DNAH11: variants seen among roughly 807,000 people sequenced by gnomAD.
The protein encoded by DNAH11 is axonemal beta dynein heavy chain 11.
In DNAH11, 442 loss-of-function variants were observed where a neutral mutation model predicts 526.0. The ratio of observed to expected loss-of-function variants is 0.84; its 90% confidence interval spans 0.78 to 0.91. The LOEUF is 0.91. DNAH11 is among the 40% of genes least tolerant of loss of function. The pLI is 0.00. For missense variants in DNAH11, 6,989 were observed against 5,448.7 expected, an observed-to-expected ratio of 1.28 and a Z score of -8.90; for synonymous variants, 2,461 against 1,935.9, an observed-to-expected ratio of 1.27 and a Z score of -7.12.
intron 2 of DNAH11, among the ~76,000 whole-genome samples, chr7:21,552,448 A>C (rs1215991866): frequency 1.3e-5 from 2 of 152,148 alleles, no homozygotes; most frequent in East Asian, 3.8e-4. Context: ...TCCCTTTACT[A>C]ATTAGGTGTC....
chr7:21,595,501 G>A (rs1784829396), intron 14 of DNAH11, among the ~76,000 whole-genome samples: 1 of 152,208 alleles, frequency 6.6e-6, no homozygotes. Context: ...AAGACTGGAT[G>A]TGGAGCACGA....
chr7:21,801,325 G>T (rs766840151), intron 62 of DNAH11, 50 bp downstream of exon 62: 1 of 1,600,422 alleles, frequency 6.2e-7, no homozygotes, highest in South Asian at 1.1e-5. Flanking sequence ...AGATCAGCTT[G>T]TGGGGATTTT....
rs750494795 is a variant in DNAH11 at position 21,639,007 on chromosome 7, A to G, written c.4886A>G (p.Tyr1629Cys). Residue 1629 changes from tyrosine (Y) to cysteine (C), a missense_variant, in exon 28 of 82, where the codon TAT (tyrosine) becomes TGT (cysteine). Tyr to Cys is a radical substitution (Grantham distance 194). Coordinates refer to ENST00000409508, the MANE Select transcript of DNAH11 (RefSeq NM_001277115.2). The stretch of plus-strand genomic sequence containing the variant: ...AAGCGCATAGCCTTTCCTCGCTTCT[A>G]TTTCGTCTCTTCTGCTGATTTACTT... ...ETKRIAFPRF[Y>C]FVSSADLLDI... is the part of the protein sequence containing the mutation. 3.4e-5 allele frequency: 55 copies of G among 1,613,442 alleles called. No individual in the cohort carries two copies. Among genetic ancestry groups the G allele is most frequent in the South Asian group, 8.8e-5 (8 of 90,998 alleles).
At chr7:21,562,703 G>A (rs1389177244) in intron 5 of DNAH11, among the ~76,000 whole-genome samples, 1 of 149,570 alleles carries the variant, frequency 6.7e-6, no homozygotes, top group Admixed American at 6.8e-5. Context: ...ATATTTAAGG[G>A]CACTTACCTA....
rs1320072390 is a variant in DNAH11 at position 21,901,172 on chromosome 7, A to G, written c.13469A>G (p.Tyr4490Cys). 1 of 1,611,478 alleles carries G rather than the reference A, an allele frequency of 6.2e-7. No homozygotes were observed. The highest frequency in any genetic ancestry group is 1.3e-5 in the African/African-American group (1 of 75,020). The change falls in exon 82 of 82, where the codon TAC becomes TGC. Residue 4490 changes from tyrosine to cysteine, a missense_variant. By Grantham distance (194) the Tyr-to-Cys change is radical. Transcript: ENST00000409508. ...VYRTKLRGPSYIWTFRLKSEE... is the reference protein window; with the variant it reads ...VYRTKLRGPSCIWTFRLKSEE... ...AGAACCAAACTGAGAGGCCCCAGCT[A>G]CATCTGGACCTTCAGGCTGAAGAGC...
chr7:21,852,968 A>G (rs761727755), intron 67 of DNAH11, among the ~76,000 whole-genome samples: 3 of 152,156 alleles, frequency 2.0e-5, no homozygotes, highest in Non-Finnish European at 2.9e-5. Context: ...CCAAACTCAT[A>G]TCCTACAGTT....
intron 76 of DNAH11, among the ~76,000 whole-genome samples, chr7:21,885,608 T>C (rs558766138): frequency 1.3e-5 from 2 of 151,962 alleles, no homozygotes; most frequent in South Asian, 4.2e-4. Context: ...GAAGAGAGGA[T>C]TTTGTATGTT....
intron 2 of DNAH11, among the ~76,000 whole-genome samples, chr7:21,552,367 G>T (rs1583474759): frequency 6.6e-6 from 1 of 152,050 alleles, no homozygotes; most frequent in Non-Finnish European, 1.5e-5. Flanking sequence ...AAAATTTTTG[G>T]AGTTCTCTCT....
rs112013159 is a variant in DNAH11 at position 21,893,700 on chromosome 7, T to C, written c.12751-923T>C. Among the ~76,000 whole-genome samples, 883 of 152,342 alleles carry C rather than the reference T, an allele frequency of 5.8e-3. 10 individuals carry two copies. Among genetic ancestry groups the C allele is most frequent in the African/African-American group, 0.02 (842 of 41,578 alleles). On this transcript the variant is annotated intron_variant, in intron 77 of 81. Transcript: ENST00000409508. ...GCATGTCTGAGTACCATGTGCATAC[T>C]CATACCTGTAATATATGTCTTTCAT...
In DNAH11 at chr7:21,687,455, CTG is replaced by C. The variant is rs1219653159; in HGVS notation, c.5855_5856del (p.Val1952GlyfsTer15). ...TGCTTTGATGAGTTCAACCGAATCTCTGTGGAAGTTCTGTCAGTGGTGGCAGT... is the reference window on the plus strand; with the variant it reads ...TGCTTTGATGAGTTCAACCGAATCTCTGGAAGTTCTGTCAGTGGTGGCAGT... On this transcript the variant is annotated frameshift_variant, in exon 34 of 82. Coordinates refer to ENST00000409508, the MANE Select transcript of DNAH11 (RefSeq NM_001277115.2). LOFTEE classifies it high-confidence loss of function. 6 of 1,613,904 alleles carry C rather than the reference CTG, an allele frequency of 3.7e-6. No homozygotes were observed. Among genetic ancestry groups the C allele is most frequent in the Non-Finnish European group, 5.1e-6 (6 of 1,179,920 alleles).
chr7:21,901,204 A>C lies in DNAH11; in HGVS notation c.13501A>C (p.Lys4501Gln). Residue 4501 changes from lysine (K) to glutamine (Q), a missense_variant, in exon 82 of 82, where the codon AAG becomes CAG. Transcript: ENST00000409508. ...GACCTTCAGGCTGAAGAGCGAAGAG[A>C]AGACTGCAAAATGGGTTCTGGCTGG... Reference protein sequence around the residue: ...IWTFRLKSEEKTAKWVLAGVA... With the variant: ...IWTFRLKSEEQTAKWVLAGVA... 6.2e-7 allele frequency: 1 copy of C among 1,613,622 alleles called. No homozygotes were observed. Among genetic ancestry groups the C allele is most frequent in the Non-Finnish European group, 8.5e-7 (1 of 1,179,696 alleles).
chr7:21,685,507 CTAAT>C (rs1337292877), intron 32 of DNAH11, among the ~76,000 whole-genome samples: 1 of 152,142 alleles, frequency 6.6e-6, no homozygotes, highest in African/African-American at 2.4e-5. Context: ...GAATTATTTA[CTAAT>C]TGTTTACATT....
chr7:21,791,544 C>T (rs1788479557), intron 61 of DNAH11, among the ~76,000 whole-genome samples: 1 of 152,120 alleles, frequency 6.6e-6, no homozygotes, highest in Non-Finnish European at 1.5e-5. Context: ...CTCCCAAGAC[C>T]CTCTGGAGCA....
intron 55 of DNAH11, among the ~76,000 whole-genome samples, chr7:21,768,373 T>G (rs974186241): frequency 6.6e-6 from 1 of 152,210 alleles, no homozygotes; most frequent in Non-Finnish European, 1.5e-5. Context: ...AGTGATGTTT[T>G]TGCTTTTCAA....
intron 42 of DNAH11, among the ~76,000 whole-genome samples, chr7:21,716,408 C>T (rs541916239): frequency 6.6e-6 from 1 of 152,244 alleles, no homozygotes; most frequent in Admixed American, 6.5e-5. Context: ...TCACAACCAC[C>T]CCAGGAGGTT....
rs1380410361 is a variant in DNAH11 at position 21,543,528 on chromosome 7, G to C, written c.283G>C (p.Glu95Gln). The C allele has an allele frequency of 3.7e-6, 6 of 1,609,988 alleles. No homozygotes were observed. The highest frequency in any genetic ancestry group is 5.1e-6 in the Non-Finnish European group (6 of 1,178,182). The change falls in exon 1 of 82, where the codon GAA (glutamate) becomes CAA (glutamine). Residue 95 changes from glutamate (E) to glutamine (Q), a missense_variant. Physicochemically the swap from Glu to Gln is conservative, Grantham distance 29 (BLOSUM62 2). Coordinates refer to ENST00000409508, the MANE Select transcript of DNAH11 (RefSeq NM_001277115.2). ...CCGGCAGGTTCTTGGGGAGTTTCTG[G>C]AAAGCACCAGCCCGGCTTGCCTTGT... ...DNRQVLGEFL[E>Q]STSPACLVFS...
Position 21,591,038 on chromosome 7 carries a change from TA to T in DNAH11, c.2274+24del, listed in dbSNP as rs527250937. ...TATTTTAAAGGTTTGTGATTTTTGT[TA>T]AAAAAAAGATACTAGGGCCTATTAT... On this transcript the variant is annotated intron_variant, in intron 13 of 81. Coordinates refer to ENST00000409508, the MANE Select transcript of DNAH11 (RefSeq NM_001277115.2). 70 of 1,460,278 alleles carry T rather than the reference TA, an allele frequency of 4.8e-5. No individual in the cohort carries two copies. The highest frequency in any genetic ancestry group is 2.6e-4 in the Admixed American group (9 of 34,116). 90.5% of individuals were successfully genotyped at this position (1,460,278 alleles called of 1,614,324 possible).
At chr7:21,775,191 C>T (rs559006821) in intron 56 of DNAH11, among the ~76,000 whole-genome samples, 1 of 152,200 alleles carries the variant, frequency 6.6e-6, no homozygotes, top group Admixed American at 6.5e-5. Flanking sequence ...GTAGATGGAC[C>T]ACAATTAGGA....
At chr7:21,631,315 C>A (rs1271098861) in intron 25 of DNAH11, among the ~76,000 whole-genome samples, 1 of 152,122 alleles carries the variant, frequency 6.6e-6, no homozygotes, top group Non-Finnish European at 1.5e-5. Flanking sequence ...TCATTCCACC[C>A]CTGGTCCCTC....
Sources: gnomAD v4.1 joint callset for allele counts (sites outside exome capture counted in the v4.1 genomes callset) on GRCh38, gnomAD v4.1.1 for gene constraint, MANE v1.5 for transcripts, NCBI Gene and HGNC (gene_info 2026-07-23, HGNC 2026-07-21) for gene names.